Variants in RPUSD4 observed in about 807,000 individuals in gnomAD.
The protein encoded by RPUSD4 is RNA pseudouridine synthase D4.
Under a neutral mutation model 35.4 loss-of-function variants are expected in RPUSD4, and 37 were observed. The observed-to-expected ratio is 1.04, with a 90% CI of 0.80 to 1.37. The LOEUF (loss-of-function observed/expected upper bound fraction) is 1.37. RPUSD4 is among the 40% of genes most tolerant of loss of function. The pLI is 0.00. For missense variants in RPUSD4, 507 were observed against 484.9 expected (o/e 1.05, Z -0.43); for synonymous variants, 210 against 192.7 (o/e 1.09, Z -0.74).
In RPUSD4 at chr11:126,211,071, G is replaced by A; in HGVS notation, c.190-16C>T. On this transcript the variant is annotated splice_polypyrimidine_tract_variant and intron_variant, in intron 1 of 6. Transcript: ENST00000298317. ...TTGTGGACACCTAGGGAGAAAGAAG[G>A]AGCCGTGGGGAATGCCTGGTGCGGA... 1 of 1,607,270 alleles carries A rather than the reference G, an allele frequency of 6.2e-7. No homozygotes were observed.
intron 1 of RPUSD4, 43 bp downstream of exon 1, chr11:126,211,407 T>G: frequency 3.4e-5 from 52 of 1,549,786 alleles, no homozygotes; most frequent in Non-Finnish European, 3.9e-5. Flanking sequence ...GGGAAACCAA[T>G]GAGCGCACTG....
In RPUSD4 at chr11:126,211,475, C is replaced by T. The variant is rs770780689; in HGVS notation, c.164G>A (p.Arg55Gln). The T allele has an allele frequency of 6.2e-7, 1 of 1,613,818 alleles. No homozygotes were observed. Among genetic ancestry groups the T allele is most frequent in the African/African-American group, 1.3e-5 (1 of 75,030 alleles). The change falls in exon 1 of 7, where the codon CGG becomes CAG. Residue 55 changes from arginine (R) to glutamine (Q), a missense_variant. Transcript: ENST00000298317. ...CGGCTCCTTCTTTGTGTCTTGTTCC[C>T]GTTTCTGGGCTCGGAGCTTCTCCGC... ...RLAEKLRAQK[R>Q]EQDTKKEPVS... is the part of the protein sequence containing the mutation.
chr11:126,211,200 GA>G (rs1949860807), intron 1 of RPUSD4, 145 bp from the exon 2 acceptor site: 1 of 1,033,828 alleles, frequency 9.7e-7, no homozygotes, highest in Non-Finnish European at 1.4e-6. Flanking sequence ...TGAGAGCAGA[GA>G]TACCCATCTG....
Position 126,210,947 on chromosome 11 carries a change from G to T in RPUSD4, c.298C>A (p.Leu100Ile), listed in dbSNP as rs1949854802. 1 of 1,614,056 alleles carries T rather than the reference G, an allele frequency of 6.2e-7. No individual in the cohort carries two copies. Among genetic ancestry groups the T allele is most frequent in the Non-Finnish European group, 8.5e-7 (1 of 1,180,042 alleles). Residue 100 changes from leucine to isoleucine, a missense_variant, in exon 2 of 7, where the codon CTC (leucine) becomes ATC (isoleucine). Coordinates refer to ENST00000298317, the MANE Select transcript of RPUSD4 (RefSeq NM_032795.3). ...VLAKALTRGI[L>I]HQDKNLVVIN... ...ACCACAAGGTTCTTGTCCTGGTGGA[G>T]AATTCCTCGGGTCAGTGCCTTAGCA...
At chr11:126,208,600 A>G (rs1405666582) in intron 3 of RPUSD4, 1 of 152,240 alleles carries the variant, frequency 6.6e-6, no homozygotes, top group Admixed American at 6.5e-5. Context: ...TCCCCAAGAC[A>G]TAGAGGTGAG....
At chr11:126,205,920 T>C (rs1184832210) in intron 3 of RPUSD4, 139 bp from the exon 4 acceptor site, 1 of 621,170 alleles carries the variant, frequency 1.6e-6, no homozygotes, top group African/African-American at 1.8e-5. Flanking sequence ...CAAGATTCTC[T>C]TGGTGTAATG....
At position 126,202,265 on chromosome 11, in the gene RPUSD4, A is replaced by C. The variant is rs1341229936; in HGVS notation, c.*1153T>G. 6.6e-6 allele frequency: 1 copy of C among 152,240 alleles called. No individual in the cohort carries two copies. Among genetic ancestry groups the C allele is most frequent in the Non-Finnish European group, 1.5e-5 (1 of 68,058 alleles). 9.4% of individuals were successfully genotyped at this position (152,240 alleles called of 1,614,324 possible). The stretch of plus-strand genomic sequence containing the variant: ...TCTGTCAGAAAGAAAAAGTAGTGTG[A>C]GGTGTATTTGTTTGCAAGAAACAAG... On this transcript the variant is annotated 3_prime_UTR_variant, in exon 7 of 7. Coordinates refer to ENST00000298317, the MANE Select transcript of RPUSD4 (RefSeq NM_032795.3).
intron 3 of RPUSD4, among the ~76,000 whole-genome samples, chr11:126,207,554 AC>A (rs1436536907): frequency 1.3e-5 from 2 of 152,222 alleles, no homozygotes; most frequent in Non-Finnish European, 2.9e-5. Context: ...AAAAGAATAA[AC>A]AACCTGGGCC....
rs1269469861 is a variant in RPUSD4, at chr11:126,203,085, T to C, written c.*333A>G. 2 of 233,742 alleles carry C rather than the reference T, an allele frequency of 8.6e-6. No individual in the cohort carries two copies. The highest frequency in any genetic ancestry group is 1.0e-4 in the Admixed American group (2 of 19,464). The allele number at this position is 233,742 out of a possible 1,614,324, so 14.5% of individuals were successfully genotyped here. A position where few individuals can be genotyped will look rare whatever the true frequency, so the allele number is the denominator to read the frequency against. On this transcript the variant is annotated 3_prime_UTR_variant, in exon 7 of 7. Transcript: ENST00000298317. Reference sequence around the variant, plus strand: ...GTTCCTGATCCCGGATTCTGACCTTTAGTTTTCCTTTTCCAGTCACTGCCC... The same window carrying C: ...GTTCCTGATCCCGGATTCTGACCTTCAGTTTTCCTTTTCCAGTCACTGCCC...
chr11:126,207,086 T>C (rs747140594), intron 3 of RPUSD4, among the ~76,000 whole-genome samples: 2 of 152,336 alleles, frequency 1.3e-5, no homozygotes, highest in Non-Finnish European at 1.5e-5. Flanking sequence ...AATAAGTCTC[T>C]ATTTTTTATT....
At chr11:126,204,001 C>G (rs182676100) in intron 6 of RPUSD4, among the ~76,000 whole-genome samples, 1 of 152,304 alleles carries the variant, frequency 6.6e-6, no homozygotes, top group East Asian at 1.9e-4. Flanking sequence ...AGCCTCCCAA[C>G]AAAATCTGAA....
intron 3 of RPUSD4, 67 bp from the exon 4 acceptor site, chr11:126,205,848 T>TA (rs1327035740): frequency 3.9e-6 from 5 of 1,290,334 alleles, no homozygotes; most frequent in Non-Finnish European, 4.2e-6. Context: ...TTTGGCCACT[T>TA]AGAGGATTTC....
intron 3 of RPUSD4, chr11:126,206,322 C>A (rs773638772): frequency 6.6e-6 from 1 of 152,034 alleles, no homozygotes; most frequent in Non-Finnish European, 1.5e-5. Context: ...GAGGCCAAGG[C>A]GGGTGGATCA....
rs1362534019 is a variant in RPUSD4 at position 126,211,066 on chromosome 11, A to G, written c.190-11T>C. 2 of 1,608,532 alleles carry G rather than the reference A, an allele frequency of 1.2e-6. No homozygotes were observed. Among genetic ancestry groups the G allele is most frequent in the African/African-American group, 1.4e-5 (1 of 71,188 alleles). ...AGCGTTTGTGGACACCTAGGGAGAA[A>G]GAAGGAGCCGTGGGGAATGCCTGGT... On this transcript the variant is annotated splice_polypyrimidine_tract_variant and intron_variant, in intron 1 of 6. Coordinates refer to ENST00000298317, the MANE Select transcript of RPUSD4 (RefSeq NM_032795.3).
intron 3 of RPUSD4, 103 bp downstream of exon 3, chr11:126,209,418 T>C (rs1490499753): frequency 3.2e-6 from 3 of 940,294 alleles, no homozygotes; most frequent in Non-Finnish European, 5.0e-6. Flanking sequence ...CAGGTCATAG[T>C]GCAGTGCCTT....
Position 126,210,253 on chromosome 11 carries a change from G to C in RPUSD4, c.356-531C>G, listed in dbSNP as rs562557258. Among the ~76,000 whole-genome samples, 195 of 152,210 alleles carry C rather than the reference G, an allele frequency of 1.3e-3. 9 individuals are homozygous for C. In the South Asian group the frequency reaches 0.038, roughly 29 times the overall value. ...CAAAAAACTGTTGCGAAAATAAAGA[G>C]AGAAAAAAATTATACAAACACTTGG... On this transcript the variant is annotated intron_variant, in intron 2 of 6. Coordinates refer to ENST00000298317, the MANE Select transcript of RPUSD4 (RefSeq NM_032795.3).
Position 126,205,868 on chromosome 11 carries a change from C to T in RPUSD4, c.558-87G>A, listed in dbSNP as rs984835787. ...CCACTTAGAGGATTTCACGCTGGAC[C>T]TTCTGCACTAACATGTGATTTCTTA... is the stretch of plus-strand genomic sequence containing the variant. On this transcript the variant is annotated intron_variant, in intron 3 of 6. Transcript: ENST00000298317. 3 of 937,374 alleles carry T rather than the reference C, an allele frequency of 3.2e-6. 1 individual carries two copies. In the African/African-American group the frequency reaches 5.0e-5, roughly 16 times the overall value. 58.1% of individuals were successfully genotyped at this position (937,374 alleles called of 1,614,324 possible). A position where few individuals can be genotyped will look rare whatever the true frequency, so the allele number is the denominator to read the frequency against.
Position 126,211,586 on chromosome 11 carries a change from T to C in RPUSD4, c.53A>G (p.Gln18Arg), listed in dbSNP as rs1949871665. ...ASGPWIRGNGQGCGSLFTLVS... is the reference protein window; with the variant it reads ...ASGPWIRGNGRGCGSLFTLVS... ...GAGAGTGAAGAGACTCCCGCAACCTTGGCCGTTTCCCCGGATCCAGGGGCC... is the reference window on the plus strand; with the variant it reads ...GAGAGTGAAGAGACTCCCGCAACCTCGGCCGTTTCCCCGGATCCAGGGGCC... The change falls in exon 1 of 7, where the codon CAA (glutamine) becomes CGA (arginine). Residue 18 changes from glutamine to arginine, a missense_variant. Transcript: ENST00000298317. 6.2e-7 allele frequency: 1 copy of C among 1,614,138 alleles called. No homozygotes were observed. Among genetic ancestry groups the C allele is most frequent in the Non-Finnish European group, 8.5e-7 (1 of 1,180,032 alleles).
chr11:126,210,520 T>TACATACACACACACAC (rs746246254), intron 2 of RPUSD4, among the ~76,000 whole-genome samples: 958 of 60,238 alleles, frequency 0.016, 5 homozygotes, highest in Non-Finnish European at 0.021. Flanking sequence ...CCAACATACA[T>TACATACACACACACAC]ACACACACAC....
Sources: allele counts gnomAD v4.1 joint callset (sites outside exome capture counted in the v4.1 genomes callset), GRCh38; gene constraint gnomAD v4.1.1; transcripts MANE v1.5; gene names NCBI Gene and HGNC (gene_info 2026-07-23, HGNC 2026-07-21).